Variants in MIA2 observed in about 807,000 individuals in gnomAD.
MIA2 encodes melanoma inhibitory activity protein 2.
In MIA2, 127 loss-of-function variants were observed where a neutral mutation model predicts 167.8. The observed-to-expected ratio is 0.76, with a 90% CI of 0.66 to 0.88. The LOEUF (loss-of-function observed/expected upper bound fraction) is 0.88, where lower values mean the gene tolerates loss of function less well. Ranked by LOEUF, MIA2 falls within the 40% of genes least tolerant of loss-of-function variation. The pLI is 0.00. For synonymous variants in MIA2, 552 were observed against 541.9 expected (o/e 1.02, Z -0.26); for missense variants, 1,690 against 1,624.7 (o/e 1.04, Z -0.69).
intron 7 of MIA2, among the ~76,000 whole-genome samples, chr14:39,279,027 G>A (rs1008365156): frequency 6.6e-6 from 1 of 152,032 alleles, no homozygotes; most frequent in African/African-American, 2.4e-5. Flanking sequence ...TAGGCATGGT[G>A]GTGGGCACCT....
At chr14:39,259,525 CTT>C (rs907389396) in intron 6 of MIA2, among the ~76,000 whole-genome samples, 1 of 151,688 alleles carries the variant, frequency 6.6e-6, no homozygotes, top group African/African-American at 2.4e-5. Context: ...CTCTCTCTCT[CTT>C]TCTCTTTTTT....
chr14:39,299,094 A>G (rs1289310707), intron 13 of MIA2, among the ~76,000 whole-genome samples: 2 of 148,214 alleles, frequency 1.3e-5, no homozygotes, highest in South Asian at 2.1e-4. Flanking sequence ...AAAAAAAAAA[A>G]AAAGAAATAA....
At chr14:39,339,307 A>G (rs980342617) in intron 25 of MIA2, among the ~76,000 whole-genome samples, 11 of 152,270 alleles carry the variant, frequency 7.2e-5, no homozygotes, top group African/African-American at 2.4e-4. Context: ...GTAGATGACT[A>G]CATACATTTA....
At chr14:39,337,125 T>C (rs1206662568) in intron 25 of MIA2, among the ~76,000 whole-genome samples, 1 of 152,172 alleles carries the variant, frequency 6.6e-6, no homozygotes, top group Non-Finnish European at 1.5e-5. Context: ...CATAACCATA[T>C]AACTCCATAA....
At chr14:39,269,957 A>G (rs898614391) in intron 6 of MIA2, among the ~76,000 whole-genome samples, 1 of 152,102 alleles carries the variant, frequency 6.6e-6, no homozygotes, top group African/African-American at 2.4e-5. Flanking sequence ...GTTTTTATAT[A>G]TGTTTTTAGT....
chr14:39,322,055 G>A (rs191145640), intron 24 of MIA2, among the ~76,000 whole-genome samples: 4 of 152,240 alleles, frequency 2.6e-5, no homozygotes, highest in African/African-American at 9.6e-5. Flanking sequence ...GGGATTACAA[G>A]TGTGAAACAC....
chr14:39,305,340 G>A lies in MIA2; in HGVS notation c.2878+959G>A, dbSNP rs188138407. Among the ~76,000 whole-genome samples the A allele has an allele frequency of 2.2e-3, 337 of 152,346 alleles. 4 individuals carry two copies. Among genetic ancestry groups the A allele is most frequent in the South Asian group, 1.2e-3 (6 of 4,830 alleles). ...AAGATAGCTTACTTTCAAGGAAGCT[G>A]TATTTCAAAAAATGTGTGTAGAAAG... On this transcript the variant is annotated intron_variant, in intron 17 of 28. Coordinates refer to ENST00000640607, the MANE Select transcript of MIA2 (RefSeq NM_001329214.4).
chr14:39,258,359 C>G (rs1035465501), intron 6 of MIA2, among the ~76,000 whole-genome samples: 1 of 152,152 alleles, frequency 6.6e-6, no homozygotes, highest in African/African-American at 2.4e-5. Context: ...GATATCCTTT[C>G]TTCCTCTTGA....
chr14:39,346,970 C>T (rs2073406731), intron 26 of MIA2: 1 of 262,616 alleles, frequency 3.8e-6, no homozygotes, highest in Non-Finnish European at 7.6e-6. Flanking sequence ...GTCTCTGTTG[C>T]CCAGACTGGA....
At position 39,326,481 on chromosome 14, in the gene MIA2, T is replaced by G. The variant is rs539258653; in HGVS notation, c.3497-383T>G. Among the ~76,000 whole-genome samples, 15 of 152,164 alleles carry G rather than the reference T, an allele frequency of 9.9e-5. No homozygotes were observed. The South Asian group carries it at 3.1e-3, about 32-fold the overall frequency. The stretch of plus-strand genomic sequence containing the variant: ...CAAAAGAGTTTTTCTGAAAAATACT[T>G]TAGTAGCAAAATTAGTAGAATAGAT... On this transcript the variant is annotated intron_variant, in intron 24 of 28. Transcript: ENST00000640607.
chr14:39,368,018 C>G (rs1299349188), intron 23 of MIA2, among the ~76,000 whole-genome samples: 1 of 151,946 alleles, frequency 6.6e-6, no homozygotes, highest in Non-Finnish European at 1.5e-5. Context: ...GATTTTTTTC[C>G]TATGGAAACT....
At chr14:39,314,022 TA>T (rs1469207653) in intron 19 of MIA2, among the ~76,000 whole-genome samples, 1 of 152,216 alleles carries the variant, frequency 6.6e-6, no homozygotes, top group African/African-American at 2.4e-5. Context: ...GTTATCTTGT[TA>T]ATCTCACAAA....
intron 27 of MIA2, among the ~76,000 whole-genome samples, chr14:39,348,046 C>T (rs2073781929): frequency 6.6e-6 from 1 of 151,826 alleles, no homozygotes; most frequent in Non-Finnish European, 1.5e-5. Context: ...GTCCTGACCT[C>T]AGATGATCCA....
At chr14:39,324,938 G>T (rs1286347282) in intron 24 of MIA2, among the ~76,000 whole-genome samples, 1 of 152,104 alleles carries the variant, frequency 6.6e-6, no homozygotes, top group Non-Finnish European at 1.5e-5. Flanking sequence ...AAAAAAAATT[G>T]TTCACTGGGT....
At chr14:39,239,588 T>C (rs1485696094) in intron 2 of MIA2, among the ~76,000 whole-genome samples, 1 of 151,946 alleles carries the variant, frequency 6.6e-6, no homozygotes, top group African/African-American at 2.4e-5. Context: ...AAAAACAAAA[T>C]CTATATCTTG....
intron 23 of MIA2, among the ~76,000 whole-genome samples, chr14:39,382,637 G>A (rs563361854): frequency 4.6e-5 from 7 of 152,252 alleles, no homozygotes; most frequent in East Asian, 1.9e-4. Flanking sequence ...GTAATTCTGC[G>A]CTGTACACAA....
intron 23 of MIA2, among the ~76,000 whole-genome samples, chr14:39,367,418 CTG>C (rs1456772970): frequency 6.6e-6 from 1 of 152,162 alleles, no homozygotes; most frequent in Admixed American, 6.5e-5. Flanking sequence ...ATTTCAGGGA[CTG>C]TGTGTGGTAC....
Position 39,388,425 on chromosome 14 carries a change from GT to G in MIA2, c.*1477del, listed in dbSNP as rs2075299340. On this transcript the variant is annotated 3_prime_UTR_variant, in exon 24 of 24. Transcript: ENST00000341502. The surrounding 1 kb of genome is among the most constrained non-coding windows in gnomAD (Gnocchi z 4.1). ...CTTACCTGATTTCCCTCTGAAAAAT[GT>G]TTTCCAGAGATGTAGTGATATTGTG... The G allele has an allele frequency of 6.6e-6, 1 of 152,122 alleles. No homozygotes were observed. Among genetic ancestry groups the G allele is most frequent in the African/African-American group, 2.4e-5 (1 of 41,412 alleles). 9.4% of individuals were successfully genotyped at this position (152,122 alleles called of 1,614,324 possible).
intron 6 of MIA2, 116 bp downstream of exon 6, chr14:39,253,287 C>G: frequency 7.7e-7 from 1 of 1,306,764 alleles, no homozygotes; most frequent in East Asian, 2.4e-5. Flanking sequence ...TAATGTTTCT[C>G]TTTCCATGAC....
Sources: gnomAD v4.1 joint callset for allele counts (sites outside exome capture counted in the v4.1 genomes callset) on GRCh38, gnomAD v4.1.1 for gene constraint, Gnocchi (gnomAD v3.1) non-coding constraint, MANE v1.5 for transcripts, NCBI Gene and HGNC (gene_info 2026-07-23, HGNC 2026-07-21) for gene names.